The following MYO5B variants were observed in gnomAD, a reference collection of about 807,000 sequenced individuals.
MYO5B encodes myosin VB, also known as unconventional myosin-Vb.
In MYO5B, 143 loss-of-function variants were observed where a neutral mutation model predicts 229.3. That is an observed-to-expected ratio of 0.62 (90% CI 0.54 to 0.72). The LOEUF (loss-of-function observed/expected upper bound fraction) is 0.72. MYO5B is among the 30% of genes least tolerant of loss of function. The pLI is 0.00. For missense variants in MYO5B, 2,321 were observed against 2,331.0 expected (o/e 1.00, Z 0.09); for synonymous variants, 918 against 885.2 (o/e 1.04, Z -0.66).
intron 22 of MYO5B, among the ~76,000 whole-genome samples, chr18:49,883,811 A>T: frequency 6.6e-6 from 1 of 152,338 alleles, no homozygotes; most frequent in African/African-American, 2.4e-5. Context: ...TGACTTTCAC[A>T]TTGACAGTCA....
rs544011797 is a variant in MYO5B, at chr18:50,152,812, G to C, written c.27+41955C>G. Among the ~76,000 whole-genome samples the C allele has an allele frequency of 1.7e-4, 25 of 143,118 alleles. No individual in the cohort carries two copies. In the South Asian group the frequency reaches 5.1e-3, roughly 29 times the overall value. 93.9% of individuals were successfully genotyped at this position (143,118 alleles called of 152,430 possible). Reference sequence around the variant, plus strand: ...CCTACAAAGAGTAAACAAAAACTATGATTGTATATTTTTTGGTGTTCATTA... The same window carrying C: ...CCTACAAAGAGTAAACAAAAACTATCATTGTATATTTTTTGGTGTTCATTA... On this transcript the variant is annotated intron_variant, in intron 1 of 39. Coordinates refer to ENST00000285039, the MANE Select transcript of MYO5B (RefSeq NM_001080467.3).
intron 14 of MYO5B, among the ~76,000 whole-genome samples, chr18:49,948,844 G>A (rs551332010): frequency 6.6e-6 from 1 of 152,206 alleles, no homozygotes; most frequent in East Asian, 1.9e-4. Flanking sequence ...TGTAATTTGG[G>A]TACCAACATG....
chr18:49,953,428 T>A, intron 13 of MYO5B, 85 bp from the exon 14 acceptor site: 1 of 1,220,138 alleles, frequency 8.2e-7, no homozygotes, highest in Non-Finnish European at 1.2e-6. Flanking sequence ...AGGTAGCATT[T>A]TCTGAAAAGA....
rs1292597781 is a variant in MYO5B, at chr18:49,959,686, T to C, written c.1545+2580A>G. ...TCCAACTTGATACAGCGCCTGGGCT[T>C]CACTTACTAGAATTGCTTCCAGGGT... On this transcript the variant is annotated intron_variant, in intron 12 of 39. Coordinates refer to ENST00000285039, the MANE Select transcript of MYO5B (RefSeq NM_001080467.3). 2.0e-5 allele frequency among the ~76,000 whole-genome samples: 3 copies of C among 152,340 alleles called. No homozygotes were observed. In the South Asian group the frequency reaches 6.2e-4, roughly 32 times the overall value.
intron 1 of MYO5B, among the ~76,000 whole-genome samples, chr18:50,083,020 C>T (rs574741710): frequency 1.2e-4 from 18 of 152,360 alleles, no homozygotes; most frequent in African/African-American, 4.1e-4. Context: ...AGGTTCCCAC[C>T]TGTATTCCGG....
chr18:50,112,849 T>G (rs975292777), intron 1 of MYO5B, among the ~76,000 whole-genome samples: 1 of 152,210 alleles, frequency 6.6e-6, no homozygotes, highest in Non-Finnish European at 1.5e-5. Context: ...TATTATACTT[T>G]CAACACAGCA....
At chr18:50,090,224 C>A (rs942597445) in intron 1 of MYO5B, among the ~76,000 whole-genome samples, 1 of 151,810 alleles carries the variant, frequency 6.6e-6, no homozygotes, top group African/African-American at 2.4e-5. Context: ...GGAATCAAAT[C>A]ACCATCTACA....
At chr18:50,075,978 G>A (rs1489774450) in intron 1 of MYO5B, among the ~76,000 whole-genome samples, 1 of 152,230 alleles carries the variant, frequency 6.6e-6, no homozygotes, top group Non-Finnish European at 1.5e-5. Flanking sequence ...CAGAAAGTCT[G>A]ACTGCAAACT....
intron 34 of MYO5B, among the ~76,000 whole-genome samples, chr18:49,841,835 C>T (rs1173366010): frequency 6.6e-6 from 1 of 152,186 alleles, no homozygotes; most frequent in Non-Finnish European, 1.5e-5. Context: ...TTCTGAACTG[C>T]CAGTTATCCA....
chr18:49,992,247 C>A (rs1322995989), intron 6 of MYO5B, 41 bp downstream of exon 6: 2 of 1,613,880 alleles, frequency 1.2e-6, no homozygotes, highest in Admixed American at 1.7e-5. Flanking sequence ...AGGTAATTGT[C>A]CATGAGAAAT....
At chr18:49,849,980 A>ACACACTCAGCCTAGGAGT in intron 31 of MYO5B, 1 of 406,208 alleles carries the variant, frequency 2.5e-6, no homozygotes, top group Non-Finnish European at 4.7e-6. Context: ...CCCCCAGGAG[A>ACACACTCAGCCTAGGAGT]CACACTCAGC....
intron 1 of MYO5B, among the ~76,000 whole-genome samples, chr18:50,178,504 C>T (rs1277535314): frequency 6.6e-6 from 1 of 152,186 alleles, no homozygotes; most frequent in Non-Finnish European, 1.5e-5. Context: ...CAACAACTGA[C>T]CCCCTAGCAA....
chr18:49,860,066 C>T (rs1163438748), intron 29 of MYO5B, among the ~76,000 whole-genome samples: 2 of 152,164 alleles, frequency 1.3e-5, no homozygotes, highest in African/African-American at 2.4e-5. Flanking sequence ...CCTGTCTTGC[C>T]GGGGACCTGC....
intron 16 of MYO5B, among the ~76,000 whole-genome samples, chr18:49,932,127 C>T (rs1416933603): frequency 6.6e-6 from 1 of 152,152 alleles, no homozygotes; most frequent in Admixed American, 6.5e-5. Context: ...TTGAGAACCC[C>T]GTCATTCCTT....
chr18:50,044,436 A>G (rs958862981), intron 2 of MYO5B, among the ~76,000 whole-genome samples: 1 of 152,136 alleles, frequency 6.6e-6, no homozygotes, highest in African/African-American at 2.4e-5. Context: ...TTAGAGGTGA[A>G]AAGGAGGCTA....
chr18:49,828,956 G>A (rs1348585206), intron 39 of MYO5B, among the ~76,000 whole-genome samples: 1 of 150,782 alleles, frequency 6.6e-6, no homozygotes, highest in African/African-American at 2.4e-5. Context: ...ATACCTTAAG[G>A]AATCAGAAAA....
At chr18:49,906,736 A>T in intron 18 of MYO5B, 106 bp from the exon 19 acceptor site, 2 of 974,716 alleles carry the variant, frequency 2.1e-6, no homozygotes, top group South Asian at 1.5e-5. Context: ...GCCAGACTTC[A>T]TGCACCCCTC....
At chr18:49,946,203 A>C (rs183166922) in intron 14 of MYO5B, 2 of 152,290 alleles carry the variant, frequency 1.3e-5, no homozygotes, top group East Asian at 3.9e-4. Context: ...TTTTGAGACC[A>C]GAAGTGTTTC....
chr18:50,124,494 T>G (rs1172163394), intron 1 of MYO5B, among the ~76,000 whole-genome samples: 1 of 150,972 alleles, frequency 6.6e-6, no homozygotes, highest in African/African-American at 2.4e-5. Context: ...AAAGTGTGAT[T>G]GTCTACTTCA....
Sources: allele counts gnomAD v4.1 joint callset (sites outside exome capture counted in the v4.1 genomes callset), GRCh38; gene constraint gnomAD v4.1.1; transcripts MANE v1.5; gene names NCBI Gene and HGNC (gene_info 2026-07-23, HGNC 2026-07-21).